AGBL4: variants seen among roughly 807,000 people sequenced by gnomAD.
AGBL4 encodes the protein cytosolic carboxypeptidase 6.
A neutral mutation model predicts 66.4 loss-of-function variants in AGBL4; 58 were observed. That is an observed-to-expected ratio of 0.87 (90% CI 0.71 to 1.09). The LOEUF is 1.09. AGBL4 is among the 50% of genes least tolerant of loss of function. AGBL4 has a pLI of 0.00. For synonymous variants in AGBL4, 234 were observed against 222.9 expected (o/e 1.05, Z -0.44); for missense variants, 579 against 631.0 (o/e 0.92, Z 0.88).
rs1646237600 is a variant in AGBL4, at chr1:49,449,787, T to C, written c.283-203923A>G. On this transcript the variant is annotated intron_variant, in intron 3 of 13. Coordinates refer to ENST00000371839, the MANE Select transcript of AGBL4 (RefSeq NM_032785.4). ...TTCCCAGAGGGTCACTTTCTCAGTT[T>C]AGTATTTTACACCCTTCAAAATCTT... 1.3e-5 allele frequency among the ~76,000 whole-genome samples: 2 copies of C among 152,076 alleles called. 1 individual carries two copies.
chr1:48,606,433 G>A (rs922385361), intron 9 of AGBL4, among the ~76,000 whole-genome samples: 2 of 152,166 alleles, frequency 1.3e-5, no homozygotes, highest in Non-Finnish European at 2.9e-5. Context: ...TTAGATGGAG[G>A]TAAAGAGGCT....
chr1:48,809,293 C>A (rs1367725976), intron 6 of AGBL4, among the ~76,000 whole-genome samples: 3 of 152,090 alleles, frequency 2.0e-5, no homozygotes, highest in African/African-American at 7.2e-5. Context: ...ACATTTGTCC[C>A]ATTTATAGAT....
intron 9 of AGBL4, among the ~76,000 whole-genome samples, chr1:48,603,221 C>T (rs1645101085): frequency 6.6e-6 from 1 of 152,202 alleles, no homozygotes; most frequent in South Asian, 2.1e-4. Flanking sequence ...CCTGTAATCC[C>T]AGCTCTTTGG....
intron 3 of AGBL4, among the ~76,000 whole-genome samples, chr1:49,648,856 T>C (rs996920288): frequency 2.0e-5 from 3 of 151,642 alleles, no homozygotes; most frequent in Non-Finnish European, 4.4e-5. Context: ...TAAAAGAAAT[T>C]ATTTCAAGAG....
chr1:48,952,776 G>A (rs1475075426), intron 5 of AGBL4, among the ~76,000 whole-genome samples: 2 of 152,150 alleles, frequency 1.3e-5, no homozygotes, highest in Non-Finnish European at 2.9e-5. Flanking sequence ...CTCACAGCCT[G>A]TGGGCCACAC....
chr1:48,588,254 A>T (rs1644855666), intron 10 of AGBL4, among the ~76,000 whole-genome samples: 1 of 152,226 alleles, frequency 6.6e-6, no homozygotes, highest in Non-Finnish European at 1.5e-5. Flanking sequence ...ACTAGAGCAT[A>T]GGGATCATGG....
intron 6 of AGBL4, among the ~76,000 whole-genome samples, chr1:48,718,642 A>G (rs1647092075): frequency 6.6e-6 from 1 of 152,072 alleles, no homozygotes; most frequent in Non-Finnish European, 1.5e-5. Flanking sequence ...AAGAAGGAAG[A>G]CTAAAAATCT....
chr1:49,142,691 A>G (rs1034977902), intron 4 of AGBL4, among the ~76,000 whole-genome samples: 1 of 152,180 alleles, frequency 6.6e-6, no homozygotes, highest in African/African-American at 2.4e-5. Flanking sequence ...TAATCATAAA[A>G]CTTTGTATTA....
At chr1:49,950,165 T>TATGTGTATATATATACACAC (rs1656025969) in intron 1 of AGBL4, among the ~76,000 whole-genome samples, 1 of 143,910 alleles carries the variant, frequency 6.9e-6, no homozygotes, top group African/African-American at 2.6e-5. Flanking sequence ...TATACACACA[T>TATGTGTATATATATACACAC]ATATATATAC....
chr1:49,175,090 T>C (rs1646807244), intron 4 of AGBL4: 1 of 151,960 alleles, frequency 6.6e-6, no homozygotes, highest in Non-Finnish European at 1.5e-5. Flanking sequence ...CAGGTACAAA[T>C]GAAAAAAAAT....
chr1:49,783,007 T>G (rs1373729129), intron 2 of AGBL4, among the ~76,000 whole-genome samples: 2 of 144,374 alleles, frequency 1.4e-5, no homozygotes, highest in African/African-American at 2.5e-5. Context: ...CAGAAACCTG[T>G]TTTTTTTTTT....
At chr1:48,867,309 CAA>C in intron 5 of AGBL4, 79 bp from the exon 6 acceptor site, 2 of 1,413,450 alleles carry the variant, frequency 1.4e-6, no homozygotes, top group Non-Finnish European at 2.0e-6. Flanking sequence ...GGCGGACAAG[CAA>C]AGAGGATGTT....
chr1:49,746,413 C>T (rs1650990821), intron 2 of AGBL4, among the ~76,000 whole-genome samples: 1 of 152,018 alleles, frequency 6.6e-6, no homozygotes, highest in Admixed American at 6.6e-5. Flanking sequence ...TCCTCTTCTG[C>T]ATAAGTGGTC....
At chr1:49,333,215 C>G (rs1257782116) in intron 3 of AGBL4, among the ~76,000 whole-genome samples, 2 of 152,150 alleles carry the variant, frequency 1.3e-5, no homozygotes, top group Non-Finnish European at 2.9e-5. Context: ...CGCAGTGGCT[C>G]ACACCTGTAA....
intron 3 of AGBL4, among the ~76,000 whole-genome samples, chr1:49,437,088 A>T (rs1412085021): frequency 6.6e-6 from 1 of 152,272 alleles, no homozygotes; most frequent in South Asian, 2.1e-4. Context: ...AGGGTTGGGT[A>T]TCAGAGTCTG....
intron 1 of AGBL4, among the ~76,000 whole-genome samples, chr1:49,866,815 G>C (rs1269923711): frequency 6.9e-6 from 1 of 145,416 alleles, no homozygotes; most frequent in Non-Finnish European, 1.5e-5. Context: ...TTTTTTCCTT[G>C]TATTTGGTCA....
At chr1:49,564,042 G>T (rs902155712) in intron 3 of AGBL4, among the ~76,000 whole-genome samples, 6 of 152,112 alleles carry the variant, frequency 3.9e-5, no homozygotes, top group African/African-American at 1.4e-4. Context: ...TCTTGGGAGG[G>T]TGTATGTGTC....
chr1:49,303,927 G>T (rs1644802145), intron 3 of AGBL4, among the ~76,000 whole-genome samples: 1 of 152,118 alleles, frequency 6.6e-6, no homozygotes, highest in South Asian at 2.1e-4. Context: ...TGATTCTGTA[G>T]GTTGCCTGTT....
At chr1:49,877,515 G>A (rs1205326256) in intron 1 of AGBL4, among the ~76,000 whole-genome samples, 3 of 151,110 alleles carry the variant, frequency 2.0e-5, no homozygotes, top group Non-Finnish European at 4.5e-5. Flanking sequence ...AAGCCCACTT[G>A]ATCATGGTGG....
Sources: gnomAD v4.1 joint callset for allele counts (sites outside exome capture counted in the v4.1 genomes callset) on GRCh38, gnomAD v4.1.1 for gene constraint, MANE v1.5 for transcripts, NCBI Gene and HGNC (gene_info 2026-07-23, HGNC 2026-07-21) for gene names.